Variants in MAML3 observed in about 807,000 individuals in gnomAD.
The protein encoded by MAML3 is mastermind-like protein 3.
A neutral mutation model predicts 101.9 loss-of-function variants in MAML3; 27 were observed. The observed-to-expected ratio is 0.27, with a 90% confidence interval of 0.20 to 0.37. The LOEUF (loss-of-function observed/expected upper bound fraction) is 0.37, where lower values mean the gene tolerates loss of function less well. MAML3 is among the 10% of genes least tolerant of loss of function. The pLI, the probability that MAML3 is intolerant of heterozygous loss-of-function variation, is 1.00. For missense variants in MAML3, 1,316 were observed against 1,444.9 expected (o/e 0.91, Z 1.45); for synonymous variants, 501 against 555.9 (o/e 0.90, Z 1.39).
intron 1 of MAML3, among the ~76,000 whole-genome samples, chr4:139,978,619 A>AAAAAAAAAAAAAAG (rs1734388175): frequency 6.6e-6 from 1 of 150,836 alleles, no homozygotes; most frequent in African/African-American, 2.4e-5. Context: ...ATCAAAAAAA[A>AAAAAAAAAAAAAAG]AGAGAGAGAG....
chr4:139,755,412 T>C (rs1189691279), intron 2 of MAML3, among the ~76,000 whole-genome samples: 1 of 151,986 alleles, frequency 6.6e-6, no homozygotes, highest in Non-Finnish European at 1.5e-5. Context: ...TTCGAGACCA[T>C]CCTGGCTAAT....
intron 1 of MAML3, among the ~76,000 whole-genome samples, chr4:140,121,273 G>A (rs1282236922): frequency 6.6e-6 from 1 of 152,120 alleles, no homozygotes; most frequent in Non-Finnish European, 1.5e-5. Context: ...CCATGGCCAA[G>A]GTGAAATTTA....
chr4:140,004,762 G>T (rs1726418892), intron 1 of MAML3, among the ~76,000 whole-genome samples: 1 of 152,082 alleles, frequency 6.6e-6, no homozygotes, highest in Non-Finnish European at 1.5e-5. Flanking sequence ...CTCCCTGCCA[G>T]CCCAGGGCTC....
rs1253114944 is a variant in MAML3, at chr4:140,007,662, T to C, written c.469-116695A>G. 3.3e-5 allele frequency among the ~76,000 whole-genome samples: 5 copies of C among 152,208 alleles called. No homozygotes were observed. In the East Asian group the frequency reaches 7.7e-4, roughly 23 times the overall value. ...GGTTATATTCCAAAGCCACCAGCCATTGGATGGCCTGGAAATGGGAAAGCC... is the reference window on the plus strand; with the variant it reads ...GGTTATATTCCAAAGCCACCAGCCACTGGATGGCCTGGAAATGGGAAAGCC... On this transcript the variant is annotated intron_variant, in intron 1 of 4. Transcript: ENST00000509479.
intron 1 of MAML3, among the ~76,000 whole-genome samples, chr4:139,945,790 A>G (rs557333455): frequency 1.3e-5 from 2 of 152,364 alleles, no homozygotes; most frequent in East Asian, 1.9e-4. Context: ...GATTTTGCCA[A>G]TGCAGTTTCA....
intron 2 of MAML3, among the ~76,000 whole-genome samples, chr4:139,876,529 A>G (rs11100326): frequency 0.35 from 53,649 of 152,192 alleles, 10,035 homozygotes; most frequent in Non-Finnish European, 0.42. Context: ...CTCCTGTTCC[A>G]GGGCCTTCAA....
At chr4:139,842,545 A>G (rs1048475034) in intron 2 of MAML3, among the ~76,000 whole-genome samples, 3 of 151,888 alleles carry the variant, frequency 2.0e-5, no homozygotes, top group African/African-American at 4.8e-5. Context: ...TTGAGACAGG[A>G]TCTTGCTCTG....
chr4:140,088,153 G>C (rs1727988497), intron 1 of MAML3, among the ~76,000 whole-genome samples: 1 of 152,080 alleles, frequency 6.6e-6, no homozygotes, highest in Admixed American at 6.5e-5. Context: ...AGGAGTTCGA[G>C]GTTATGGTGA....
intron 1 of MAML3, among the ~76,000 whole-genome samples, chr4:140,043,102 A>T (rs1270921046): frequency 2.6e-5 from 4 of 152,228 alleles, no homozygotes; most frequent in African/African-American, 9.6e-5. Flanking sequence ...GACTGTTCCC[A>T]GATGCCCTAT....
At position 139,890,970 on chromosome 4, in the gene MAML3, G is replaced by A. The variant is rs1482958362; in HGVS notation, c.469-3C>T. 3 of 1,606,928 alleles carry A rather than the reference G, an allele frequency of 1.9e-6. No homozygotes were observed. The highest frequency in any genetic ancestry group is 4.5e-5 in the East Asian group (2 of 44,760). On this transcript the variant is annotated splice_region_variant and splice_polypyrimidine_tract_variant and intron_variant, in intron 1 of 4. Transcript: ENST00000509479. The surrounding 1 kb of genome is among the most constrained non-coding windows in gnomAD (Gnocchi z 4.1). ...TTCCTTTTCACAGTCTCTTGTAGCT[G>A]GAAAAGAAACAGGAAAGAGGATGAC...
At chr4:139,910,172 T>C (rs906671573) in intron 1 of MAML3, among the ~76,000 whole-genome samples, 2 of 152,142 alleles carry the variant, frequency 1.3e-5, no homozygotes, top group Non-Finnish European at 2.9e-5. Context: ...TGAGCGAGGG[T>C]TCCTCTATGA....
chr4:139,784,756 G>A lies in MAML3; in HGVS notation c.2080-54089C>T, dbSNP rs1030174739. ...TCTTTGGGCCTTTGCTATGCGCTAC[G>A]CCTTGGCCAAGTCTGCAGCCCCTGC... is the stretch of plus-strand genomic sequence containing the variant. On this transcript the variant is annotated intron_variant, in intron 2 of 4. Coordinates refer to ENST00000509479, the MANE Select transcript of MAML3 (RefSeq NM_018717.5). Among the ~76,000 whole-genome samples, 8 of 152,224 alleles carry A rather than the reference G, an allele frequency of 5.3e-5. No individual in the cohort carries two copies. In the East Asian group the frequency reaches 7.7e-4, roughly 15 times the overall value.
At position 139,758,618 on chromosome 4, in the gene MAML3, C is replaced by T. The variant is rs769179647; in HGVS notation, c.2080-27951G>A. 8.5e-5 allele frequency among the ~76,000 whole-genome samples: 13 copies of T among 152,290 alleles called. No homozygotes were observed. The South Asian group carries it at 1.2e-3, about 15-fold the overall frequency. On this transcript the variant is annotated intron_variant, in intron 2 of 4. Coordinates refer to ENST00000509479, the MANE Select transcript of MAML3 (RefSeq NM_018717.5). The stretch of plus-strand genomic sequence containing the variant: ...TTCCTGCCTCCCCTCCAGCCATGTT[C>T]GGCTGCAGGAGTATGCTCGGTACGT...
chr4:139,745,534 C>T (rs1239170178), intron 2 of MAML3, among the ~76,000 whole-genome samples: 1 of 152,110 alleles, frequency 6.6e-6, no homozygotes, highest in Non-Finnish European at 1.5e-5. Context: ...AGGCATATTC[C>T]TGCAAGAATA....
intron 1 of MAML3, among the ~76,000 whole-genome samples, chr4:140,003,623 G>A (rs747120620): frequency 2.0e-5 from 3 of 152,128 alleles, no homozygotes; most frequent in Admixed American, 6.5e-5. Flanking sequence ...CTGTGCTTTC[G>A]TGTACCCCAT....
In MAML3 at chr4:139,735,725, C is replaced by G. The variant is rs2111006668; in HGVS notation, c.2080-5058G>C. Among the ~76,000 whole-genome samples the G allele has an allele frequency of 6.6e-6, 1 of 152,344 alleles. No individual in the cohort carries two copies. Among genetic ancestry groups the G allele is most frequent in the East Asian group, 1.9e-4 (1 of 5,184 alleles). On this transcript the variant is annotated intron_variant, in intron 2 of 4. Transcript: ENST00000509479. The surrounding 1 kb of genome is among the most constrained non-coding windows in gnomAD (Gnocchi z 5.8). ...CTCTCGACTCCAGCCTATATGCTTA[C>G]AAGTCCTCAGGGGACTCCGGCTAGG... is the stretch of plus-strand genomic sequence containing the variant.
intron 1 of MAML3, among the ~76,000 whole-genome samples, chr4:140,107,658 C>T (rs1330744330): frequency 6.6e-6 from 1 of 151,924 alleles, no homozygotes; most frequent in Non-Finnish European, 1.5e-5. Flanking sequence ...GCGCCCACCA[C>T]CACACATGGC....
chr4:139,799,679 T>C (rs1730570995), intron 2 of MAML3, among the ~76,000 whole-genome samples: 1 of 152,198 alleles, frequency 6.6e-6, no homozygotes, highest in Admixed American at 6.5e-5. Context: ...AGGAAGGAGA[T>C]GCATTCTTAT....
At chr4:139,751,800 A>G (rs1729511964) in intron 2 of MAML3, among the ~76,000 whole-genome samples, 1 of 152,210 alleles carries the variant, frequency 6.6e-6, no homozygotes, top group African/African-American at 2.4e-5. Flanking sequence ...ACAGCAAGCC[A>G]TGGAGTTACA....
Sources: allele counts gnomAD v4.1 joint callset (sites outside exome capture counted in the v4.1 genomes callset), GRCh38; gene constraint gnomAD v4.1.1; non-coding constraint Gnocchi (gnomAD v3.1); transcripts MANE v1.5; gene names NCBI Gene and HGNC (gene_info 2026-07-23, HGNC 2026-07-21).